Variants in MIR2052HG observed in about 807,000 individuals in gnomAD.
MIR2052HG encodes MIR2052 host gene.
At chr8:74,616,165 G>A (rs1477506300) in intron 2 of MIR2052HG, among the ~76,000 whole-genome samples, 1 of 151,856 alleles carries the variant, frequency 6.6e-6, no homozygotes, top group African/African-American at 2.4e-5. Flanking sequence ...ATTTCTAGTT[G>A]TAGATCCTTG....
chr8:74,647,484 C>A (rs1808701646), intron 2 of MIR2052HG, among the ~76,000 whole-genome samples: 1 of 152,122 alleles, frequency 6.6e-6, no homozygotes, highest in South Asian at 2.1e-4. Context: ...ATGGAAAAAC[C>A]AAGCTGTAAG....
chr8:74,750,528 A>G (rs1176809106), intron 4 of MIR2052HG, among the ~76,000 whole-genome samples: 1 of 152,112 alleles, frequency 6.6e-6, no homozygotes, highest in African/African-American at 2.4e-5. Context: ...GTGTCAGCTT[A>G]TAATGTCAAA....
chr8:74,674,892 A>G (rs183669043), intron 2 of MIR2052HG, among the ~76,000 whole-genome samples: 3 of 152,040 alleles, frequency 2.0e-5, no homozygotes, highest in Admixed American at 1.3e-4. Flanking sequence ...AAACTTTTCT[A>G]TTACAATTGG....
chr8:74,641,418 A>G (rs888307870), intron 2 of MIR2052HG, among the ~76,000 whole-genome samples: 6 of 152,176 alleles, frequency 3.9e-5, no homozygotes, highest in African/African-American at 1.4e-4. Flanking sequence ...GTTATTTTGA[A>G]CTGAAATGTC....
At chr8:74,601,083 C>T (rs1384695785) in intron 1 of MIR2052HG, among the ~76,000 whole-genome samples, 1 of 152,140 alleles carries the variant, frequency 6.6e-6, no homozygotes, top group Non-Finnish European at 1.5e-5. Flanking sequence ...TTCATAAAGT[C>T]TTGAGAATTT....
intron 4 of MIR2052HG, among the ~76,000 whole-genome samples, chr8:74,717,754 G>A (rs1361306529): frequency 1.3e-5 from 2 of 151,360 alleles, no homozygotes; most frequent in Admixed American, 1.3e-4. Context: ...GTGGGAATGA[G>A]CTACAATCAC....
chr8:74,734,822 G>T (rs970317367), intron 4 of MIR2052HG, among the ~76,000 whole-genome samples: 2 of 152,152 alleles, frequency 1.3e-5, no homozygotes, highest in Admixed American at 6.5e-5. Context: ...TTTCAGAGGG[G>T]ATCCAACAGA....
At chr8:74,658,448 T>A (rs1269390789) in intron 2 of MIR2052HG, among the ~76,000 whole-genome samples, 1 of 151,774 alleles carries the variant, frequency 6.6e-6, no homozygotes, top group East Asian at 1.9e-4. Context: ...TGGAGTGCAA[T>A]GGCGTGATCT....
chr8:74,645,900 T>C (rs1808686271), intron 2 of MIR2052HG, among the ~76,000 whole-genome samples: 1 of 152,230 alleles, frequency 6.6e-6, no homozygotes, highest in Non-Finnish European at 1.5e-5. Context: ...CCTAAGCCTA[T>C]GTTTTTTGTG....
intron 2 of MIR2052HG, among the ~76,000 whole-genome samples, chr8:74,638,256 A>G (rs139908758): frequency 6.6e-6 from 1 of 152,282 alleles, no homozygotes; most frequent in East Asian, 1.9e-4. Context: ...AATAATTGTG[A>G]CAAATTCAAT....
chr8:74,680,059 A>G (rs1267966306), intron 2 of MIR2052HG, among the ~76,000 whole-genome samples: 1 of 152,220 alleles, frequency 6.6e-6, no homozygotes, highest in African/African-American at 2.4e-5. Flanking sequence ...ACCCAAATGA[A>G]TCTGCAGACA....
At position 74,715,779 on chromosome 8, in the gene MIR2052HG, G is replaced by A. The variant is rs117251673; in HGVS notation, n.371+12097G>A. ...AAAAAGTAATGTGTTGGTCCAGGGA[G>A]GCAATCTTTATACTTGCCAAGAAAA... On this transcript the variant is annotated intron_variant and non_coding_transcript_variant, in intron 4 of 6. Transcript: ENST00000523442. 3.1e-3 allele frequency among the ~76,000 whole-genome samples: 467 copies of A among 152,232 alleles called. 2 individuals carry two copies. The highest frequency in any genetic ancestry group is 5.2e-3 in the Non-Finnish European group (356 of 68,022).
At chr8:74,639,511 A>G (rs911514529) in intron 2 of MIR2052HG, among the ~76,000 whole-genome samples, 5 of 152,168 alleles carry the variant, frequency 3.3e-5, no homozygotes, top group African/African-American at 4.8e-5. Flanking sequence ...CTGGTCACAT[A>G]GAGTTATTAT....
intron 2 of MIR2052HG, among the ~76,000 whole-genome samples, chr8:74,637,160 A>G (rs941734424): frequency 6.6e-6 from 1 of 152,140 alleles, no homozygotes; most frequent in Non-Finnish European, 1.5e-5. Context: ...GAAACTTATT[A>G]AACTGGGTCT....
chr8:74,602,841 C>CTTTCTTTCT (rs1808031763), intron 1 of MIR2052HG, among the ~76,000 whole-genome samples: 3 of 139,978 alleles, frequency 2.1e-5, no homozygotes, highest in East Asian at 2.1e-4. Context: ...TTCTTTCTTT[C>CTTTCTTTCT]TTTCTTTCTT....
intron 2 of MIR2052HG, among the ~76,000 whole-genome samples, chr8:74,682,687 G>A (rs1809138614): frequency 6.6e-6 from 1 of 152,030 alleles, no homozygotes; most frequent in Non-Finnish European, 1.5e-5. Flanking sequence ...ATGTTGCTGT[G>A]GGAAACTATA....
intron 2 of MIR2052HG, among the ~76,000 whole-genome samples, chr8:74,695,541 C>T (rs1395908771): frequency 6.6e-6 from 1 of 152,002 alleles, no homozygotes; most frequent in East Asian, 1.9e-4. Context: ...ATTCACTAAC[C>T]AAGTATCTTC....
intron 4 of MIR2052HG, among the ~76,000 whole-genome samples, chr8:74,716,482 G>A (rs767700586): frequency 1.1e-4 from 16 of 152,166 alleles, no homozygotes; most frequent in South Asian, 6.2e-4. Context: ...GGAGGCTGAG[G>A]TGGGTGAATC....
Position 74,673,910 on chromosome 8 carries a change from T to TATATATATATATATATATATATACAC in MIR2052HG, n.217-28468_217-28467insTATATATATATATATATATATACACA, listed in dbSNP as rs1485340799. Among the ~76,000 whole-genome samples, 767 of 132,822 alleles carry TATATATATATATATATATATATACAC rather than the reference T, an allele frequency of 5.8e-3. 25 individuals carry two copies. Among genetic ancestry groups the TATATATATATATATATATATATACAC allele is most frequent in the African/African-American group, 0.022 (638 of 29,226 alleles). The allele number at this position is 132,822 out of a possible 152,430, so 87.1% of individuals were successfully genotyped here. On this transcript the variant is annotated intron_variant and non_coding_transcript_variant, in intron 2 of 6. Transcript: ENST00000523442. ...TTGTATATATATATATATATATATATACACACACAAAATATCTATCTATAT... is the reference window on the plus strand; with the variant it reads ...TTGTATATATATATATATATATATATATATATATATATATATATATATACACACACACACAAAATATCTATCTATAT...
Sources: gnomAD v4.1 joint callset for allele counts (sites outside exome capture counted in the v4.1 genomes callset) on GRCh38, gnomAD v4.1.1 for gene constraint, MANE v1.5 for transcripts, NCBI Gene and HGNC (gene_info 2026-07-23, HGNC 2026-07-21) for gene names.